The following FRMPD4 variants were observed in gnomAD, a reference collection of about 807,000 sequenced individuals.
FRMPD4 encodes FERM and PDZ domain containing 4.
In FRMPD4, 22 loss-of-function variants were observed where a neutral mutation model predicts 94.1. That is an observed-to-expected ratio of 0.23 (90% CI 0.17 to 0.33). The LOEUF (loss-of-function observed/expected upper bound fraction) is 0.33. Among genes scored for constraint, FRMPD4 ranks in the 10% least tolerant of loss-of-function variants. FRMPD4 has a pLI of 1.00. For synonymous variants in FRMPD4, 631 were observed against 548.6 expected, an observed-to-expected ratio of 1.15 and a Z score of -2.10; for missense variants, 1,111 against 1,339.9, an observed-to-expected ratio of 0.83 and a Z score of 2.67.
intron 2 of FRMPD4, among the ~76,000 whole-genome samples, chrX:12,553,366 T>G (rs2058558311): frequency 9.8e-6 from 1 of 102,549 alleles, no homozygotes; most frequent in African/African-American, 3.6e-5. Flanking sequence ...ACATTTGGGT[T>G]GTTTCTAGTC....
intron 3 of FRMPD4, among the ~76,000 whole-genome samples, chrX:12,044,136 A>T (rs749196827): frequency 8.9e-6 from 1 of 112,243 alleles, no homozygotes; most frequent in East Asian, 2.8e-4. Flanking sequence ...ATTTAGCAAT[A>T]ATTTTTATAA....
At chrX:12,533,242 C>G (rs888296556) in intron 2 of FRMPD4, among the ~76,000 whole-genome samples, 5 of 112,267 alleles carry the variant, frequency 4.5e-5, no homozygotes, top group African/African-American at 1.6e-4. Flanking sequence ...TCTGCCACCA[C>G]GTGAGACCTG....
chrX:11,921,091 C>T (rs1601839653), intron 3 of FRMPD4, among the ~76,000 whole-genome samples: 1 of 112,265 alleles, frequency 8.9e-6, no homozygotes, highest in East Asian at 2.8e-4. Flanking sequence ...GCATCCACTG[C>T]CCCGTAACTT....
chrX:12,228,928 T>A (rs1486903082), intron 1 of FRMPD4, among the ~76,000 whole-genome samples: 1 of 112,125 alleles, frequency 8.9e-6, no homozygotes, highest in East Asian at 2.8e-4. Flanking sequence ...GTTTCCAGCT[T>A]TAGAAGCCTG....
intron 1 of FRMPD4, among the ~76,000 whole-genome samples, chrX:12,195,698 G>A (rs2056559190): frequency 9.0e-6 from 1 of 111,516 alleles, no homozygotes; most frequent in Non-Finnish European, 1.9e-5. Context: ...GAACTTTTCA[G>A]AAGCTGAGTT....
At chrX:12,623,205 AG>A (rs1390371378) in intron 4 of FRMPD4, among the ~76,000 whole-genome samples, 45 of 6,323 alleles carry the variant, frequency 7.1e-3, no homozygotes, top group African/African-American at 0.015. Context: ...AAAGAAAGAA[AG>A]GAAGGAAGGA....
Position 12,261,168 on chromosome X carries a change from G to A in FRMPD4, c.41+122156G>A, listed in dbSNP as rs2054183121. Among the ~76,000 whole-genome samples, 3 of 111,829 alleles carry A rather than the reference G, an allele frequency of 2.7e-5. No individual in the cohort carries two copies. The Admixed American group carries it at 2.8e-4, about 11-fold the overall frequency. ...TTCTTACAGAGGATATTATCACCTG[G>A]ATAGAGATTTTGAGTCTGGATATAA... is the stretch of plus-strand genomic sequence containing the variant. On this transcript the variant is annotated intron_variant, in intron 1 of 16. Transcript: ENST00000675598.
intron 3 of FRMPD4, among the ~76,000 whole-genome samples, chrX:11,948,930 G>T (rs1378768604): frequency 8.9e-6 from 1 of 111,874 alleles, no homozygotes; most frequent in Non-Finnish European, 1.9e-5. Flanking sequence ...TGCTCTGGCA[G>T]TCATGAGCAT....
rs942401133 is a variant in FRMPD4, at chrX:12,365,754, G to C, written c.42-132926G>C. Reference sequence around the variant, plus strand: ...CCTGCCACCAGGGCAGGGGCAGGGGGCAACCAAGGGAGGAGAGGGCTGGAA... The same window carrying C: ...CCTGCCACCAGGGCAGGGGCAGGGGCCAACCAAGGGAGGAGAGGGCTGGAA... On this transcript the variant is annotated intron_variant, in intron 1 of 16. Transcript: ENST00000675598. 3.6e-5 allele frequency among the ~76,000 whole-genome samples: 4 copies of C among 112,277 alleles called. No homozygotes were observed. In the East Asian group the frequency reaches 1.1e-3, roughly 31 times the overall value.
At chrX:11,856,592 C>A (rs1319747660) in intron 1 of FRMPD4, among the ~76,000 whole-genome samples, 1 of 111,435 alleles carries the variant, frequency 9.0e-6, no homozygotes, top group African/African-American at 3.3e-5. Flanking sequence ...AAACCCATAG[C>A]CAGTATCATA....
In FRMPD4 at chrX:12,716,950, C is replaced by G. The variant is rs2042098906; in HGVS notation, c.2491C>G (p.Pro831Ala). 8.3e-7 allele frequency: 1 copy of G among 1,211,175 alleles called. No homozygotes were observed. The highest frequency in any genetic ancestry group is 1.1e-6 in the Non-Finnish European group (1 of 894,766). ...EDSQSQAASF[P>A]EDKEKGSSLQ... Reference sequence around the variant, plus strand: ...CTCTCAGAGCCAGGCAGCTTCCTTCCCCGAGGACAAGGAGAAAGGCAGCAG... The same window carrying G: ...CTCTCAGAGCCAGGCAGCTTCCTTCGCCGAGGACAAGGAGAAAGGCAGCAG... The change falls in exon 15 of 17, where the codon CCC becomes GCC. Residue 831 changes from proline (P) to alanine (A), a missense_variant. Around this residue, in one of 8 missense-constraint regions of FRMPD4, gnomAD observed 74 missense variants for 93.9 expected, o/e 0.79. Transcript: ENST00000675598.
intron 1 of FRMPD4, among the ~76,000 whole-genome samples, chrX:11,849,078 C>A (rs2053603983): frequency 9.0e-6 from 1 of 111,634 alleles, no homozygotes; most frequent in Non-Finnish European, 1.9e-5. Flanking sequence ...TATGAGAAAG[C>A]TGGTAGAACT....
At chrX:11,924,594 G>A (rs920670192) in intron 3 of FRMPD4, among the ~76,000 whole-genome samples, 18 of 112,059 alleles carry the variant, frequency 1.6e-4, no homozygotes, top group African/African-American at 5.5e-4. Flanking sequence ...AGAGATTGTG[G>A]GCAAATGTTC....
intron 1 of FRMPD4, among the ~76,000 whole-genome samples, chrX:12,196,454 C>T (rs1248160178): frequency 9.1e-6 from 1 of 110,198 alleles, no homozygotes; most frequent in Admixed American, 9.7e-5. Flanking sequence ...ACTGTTTACC[C>T]ACCACACCTG....
At chrX:12,099,196 T>G (rs1299209182) in intron 3 of FRMPD4, among the ~76,000 whole-genome samples, 1 of 109,899 alleles carries the variant, frequency 9.1e-6, no homozygotes, top group Non-Finnish European at 1.9e-5. Context: ...ATTGTGCACA[T>G]GTACCCTAAA....
intron 3 of FRMPD4, among the ~76,000 whole-genome samples, chrX:12,091,369 C>T (rs1264614357): frequency 8.9e-6 from 1 of 112,041 alleles, no homozygotes; most frequent in Non-Finnish European, 1.9e-5. Context: ...TATACAATCT[C>T]TGTAACAACT....
chrX:12,721,232 C>A lies in FRMPD4; in HGVS notation c.4663C>A (p.Gln1555Lys). The change falls in exon 17 of 17, where the codon CAA (glutamine) becomes AAA (lysine). Residue 1555 changes from glutamine (Q) to lysine (K), a missense_variant. By Grantham distance (53) the Gln-to-Lys change is moderately conservative. This residue lies in a region of FRMPD4 where 551 missense variants were observed against 591.6 expected (regional missense o/e 0.93). Transcript: ENST00000675598. ...SPCLAVAIQK[Q>K]RGELSRGSVL... The stretch of plus-strand genomic sequence containing the variant: ...ATGCCTGGCTGTGGCGATTCAGAAG[C>A]AACGAGGGGAGCTATCCAGAGGGTC... 4 of 756,222 alleles carry A rather than the reference C, an allele frequency of 5.3e-6. No individual in the cohort carries two copies. The highest frequency in any genetic ancestry group is 4.7e-6 in the Non-Finnish European group (3 of 639,501). 62.3% of individuals were successfully genotyped at this position (756,222 alleles called of 1,213,427 possible).
At position 12,690,272 on chromosome X, in the gene FRMPD4, A is replaced by C; in HGVS notation, c.759A>C (p.Thr253=). ...EHFSLMLEQR[T]EGAGTKLLLL... ...TCTCTCTCATGCTGGAGCAGAGGACAGAAGGGGCTGGAACGAAGCTGCTCT... is the reference window on the plus strand; with the variant it reads ...TCTCTCTCATGCTGGAGCAGAGGACCGAAGGGGCTGGAACGAAGCTGCTCT... The change falls in exon 8 of 17, where the codon ACA becomes ACC. Residue 253 remains threonine, a synonymous_variant. Coordinates refer to ENST00000675598, the MANE Select transcript of FRMPD4 (RefSeq NM_001368397.1). The C allele has an allele frequency of 8.3e-7, 1 of 1,208,155 alleles. No homozygotes were observed. The highest frequency in any genetic ancestry group is 1.1e-6 in the Non-Finnish European group (1 of 892,228).
intron 3 of FRMPD4, among the ~76,000 whole-genome samples, chrX:11,886,284 G>A (rs2053844684): frequency 8.9e-6 from 1 of 112,001 alleles, no homozygotes; most frequent in African/African-American, 3.2e-5. Context: ...CAACTAAGGA[G>A]TCTTCTGTCT....
Sources: allele counts gnomAD v4.1 joint callset (sites outside exome capture counted in the v4.1 genomes callset), GRCh38; gene constraint gnomAD v4.1.1; regional missense constraint gnomAD v4.1.1; transcripts MANE v1.5; gene names NCBI Gene and HGNC (gene_info 2026-07-23, HGNC 2026-07-21).